CSMD1: variants seen among roughly 807,000 people sequenced by gnomAD.
CSMD1 encodes CUB and Sushi multiple domains 1.
In CSMD1, 213 loss-of-function variants were observed where a neutral mutation model predicts 417.5. The ratio of observed to expected loss-of-function variants is 0.51; its 90% confidence interval spans 0.46 to 0.57. The LOEUF is 0.57. Among genes scored for constraint, CSMD1 ranks in the 20% least tolerant of loss-of-function variants. The probability of loss-of-function intolerance (pLI) is 0.00; values close to 1 mark genes in which losing one functional copy is unlikely to be tolerated. For synonymous variants in CSMD1, 2,862 were observed against 1,736.8 expected, an observed-to-expected ratio of 1.65 and a Z score of -16.11; for missense variants, 6,923 against 4,529.7, an observed-to-expected ratio of 1.53 and a Z score of -15.17.
intron 3 of CSMD1, among the ~76,000 whole-genome samples, chr8:4,360,242 T>G (rs1801673881): frequency 3.3e-5 from 5 of 152,120 alleles, no homozygotes; most frequent in Admixed American, 3.3e-4. Flanking sequence ...AATGTTGATT[T>G]CCTGATGAAC....
At chr8:3,468,203 G>A (rs1563067674) in intron 12 of CSMD1, among the ~76,000 whole-genome samples, 1 of 152,154 alleles carries the variant, frequency 6.6e-6, no homozygotes, top group South Asian at 2.1e-4. Context: ...GCATTTCAAT[G>A]GTTCAGAAAT....
At chr8:3,884,233 G>C (rs1806401984) in intron 5 of CSMD1, among the ~76,000 whole-genome samples, 1 of 152,156 alleles carries the variant, frequency 6.6e-6, no homozygotes, top group Non-Finnish European at 1.5e-5. Flanking sequence ...ATTATCCTTT[G>C]ATACGCCTCT....
rs1351465193 is a variant in CSMD1 at position 3,086,695 on chromosome 8, C to T, written c.7474+402G>A. Among the ~76,000 whole-genome samples the T allele has an allele frequency of 2.0e-5, 3 of 152,018 alleles. No individual in the cohort carries two copies. In the South Asian group the frequency reaches 6.2e-4, roughly 31 times the overall value. On this transcript the variant is annotated intron_variant, in intron 49 of 69. Coordinates refer to ENST00000635120, the MANE Select transcript of CSMD1 (RefSeq NM_033225.6). ...CTAGATTTAAATAACAAAACAAAAT[C>T]AAATACAGAGCTTAGGGCTCAAAGA...
chr8:3,213,765 A>G (rs138853987), intron 30 of CSMD1, among the ~76,000 whole-genome samples: 9,177 of 150,794 alleles, frequency 0.061, 635 homozygotes, highest in East Asian at 0.2. Context: ...GTATGTATAT[A>G]TATGTGTGTG....
intron 1 of CSMD1, among the ~76,000 whole-genome samples, chr8:4,856,104 A>G (rs992429715): frequency 2.0e-5 from 3 of 152,102 alleles, no homozygotes; most frequent in Non-Finnish European, 4.4e-5. Context: ...AGTGGGGGCC[A>G]ATATTCAACA....
At chr8:4,106,635 G>A (rs1353513838) in intron 3 of CSMD1, among the ~76,000 whole-genome samples, 1 of 152,192 alleles carries the variant, frequency 6.6e-6, no homozygotes, top group Admixed American at 6.5e-5. Context: ...TATCCAAAAT[G>A]TGATGTTGAT....
At chr8:3,971,137 T>G (rs1405886301) in intron 5 of CSMD1, among the ~76,000 whole-genome samples, 1 of 150,848 alleles carries the variant, frequency 6.6e-6, no homozygotes, top group South Asian at 2.1e-4. Flanking sequence ...TCACACGGTG[T>G]TAAATATTCT....
chr8:4,322,530 A>G (rs1799328797), intron 3 of CSMD1, among the ~76,000 whole-genome samples: 4 of 152,208 alleles, frequency 2.6e-5, no homozygotes, highest in South Asian at 4.1e-4. Context: ...ATAAAAACAT[A>G]ACATTTGAGG....
At chr8:3,680,410 T>A (rs561290404) in intron 7 of CSMD1, among the ~76,000 whole-genome samples, 1 of 151,732 alleles carries the variant, frequency 6.6e-6, no homozygotes, top group Non-Finnish European at 1.5e-5. Context: ...TATTAACACC[T>A]CTACGCAAAT....
chr8:4,229,242 C>T (rs991879538), intron 3 of CSMD1, among the ~76,000 whole-genome samples: 5 of 152,168 alleles, frequency 3.3e-5, no homozygotes, highest in African/African-American at 7.2e-5. Flanking sequence ...GCTAGTCCTA[C>T]TCAAAAGACG....
chr8:2,974,444 C>T lies in CSMD1; in HGVS notation c.8740+7G>A. The T allele has an allele frequency of 6.4e-7, 1 of 1,574,196 alleles. No individual in the cohort carries two copies. Among genetic ancestry groups the T allele is most frequent in the Non-Finnish European group, 8.6e-7 (1 of 1,156,534 alleles). ...TAATTCTGTCAGTTCACTCGTAAGC[C>T]CCTCACCTGTGCAGTGGGGCAGTGC... On this transcript the variant is annotated splice_region_variant and intron_variant, in intron 56 of 69. Transcript: ENST00000635120.
At chr8:3,814,748 A>T (rs894819609) in intron 5 of CSMD1, among the ~76,000 whole-genome samples, 1 of 152,190 alleles carries the variant, frequency 6.6e-6, no homozygotes, top group Non-Finnish European at 1.5e-5. Flanking sequence ...TGAATCCACA[A>T]CTTGCATTTC....
chr8:4,562,061 G>C (rs1357377744), intron 2 of CSMD1, among the ~76,000 whole-genome samples: 1 of 152,202 alleles, frequency 6.6e-6, no homozygotes, highest in South Asian at 2.1e-4. Context: ...CCAGCAAAGA[G>C]ACGTCAATTA....
intron 40 of CSMD1, among the ~76,000 whole-genome samples, chr8:3,144,412 C>A (rs149960581): frequency 1.8e-4 from 28 of 152,124 alleles, no homozygotes; most frequent in African/African-American, 6.5e-4. Context: ...ACGTGAAAAA[C>A]TGCAGGATGT....
At position 4,676,665 on chromosome 8, in the gene CSMD1, C is replaced by T. The variant is rs978223865; in HGVS notation, c.86-39107G>A. Reference sequence around the variant, plus strand: ...TTCCAAGTTACAAAGGAAAAAAGAACAATTTTATTATAGCCTATGTAGCGT... The same window carrying T: ...TTCCAAGTTACAAAGGAAAAAAGAATAATTTTATTATAGCCTATGTAGCGT... On this transcript the variant is annotated intron_variant, in intron 1 of 69. Coordinates refer to ENST00000635120, the MANE Select transcript of CSMD1 (RefSeq NM_033225.6). 2.0e-5 allele frequency among the ~76,000 whole-genome samples: 3 copies of T among 152,050 alleles called. No individual in the cohort carries two copies. The South Asian group carries it at 6.2e-4, about 31-fold the overall frequency.
chr8:3,786,173 C>G (rs1363545183), intron 5 of CSMD1, among the ~76,000 whole-genome samples: 1 of 152,074 alleles, frequency 6.6e-6, no homozygotes, highest in South Asian at 2.1e-4. Context: ...GGTTTGGGGC[C>G]AGATTGGGAC....
chr8:3,630,061 G>GTA (rs3086631), intron 7 of CSMD1, among the ~76,000 whole-genome samples: 100,992 of 152,078 alleles, frequency 0.66, 33,712 homozygotes, highest in Middle Eastern at 0.8. Context: ...CTACATTAGA[G>GTA]ATCAAAATCC....
At chr8:4,067,501 A>G (rs972919879) in intron 3 of CSMD1, among the ~76,000 whole-genome samples, 1 of 152,130 alleles carries the variant, frequency 6.6e-6, no homozygotes, top group Non-Finnish European at 1.5e-5. Flanking sequence ...TTTAATTTCA[A>G]AATTTTTAAA....
At chr8:3,956,989 C>T (rs1811993313) in intron 5 of CSMD1, among the ~76,000 whole-genome samples, 1 of 151,708 alleles carries the variant, frequency 6.6e-6, no homozygotes, top group Non-Finnish European at 1.5e-5. Flanking sequence ...TCTTGTGGGC[C>T]CTAAAAAATG....
Sources: gnomAD v4.1 joint callset for allele counts (sites outside exome capture counted in the v4.1 genomes callset) on GRCh38, gnomAD v4.1.1 for gene constraint, MANE v1.5 for transcripts, NCBI Gene and HGNC (gene_info 2026-07-23, HGNC 2026-07-21) for gene names.